The following CADM2 variants were observed in gnomAD, a reference collection of about 807,000 sequenced individuals.
The protein encoded by CADM2 is cell adhesion molecule 2.
Under a neutral mutation model 49.8 loss-of-function variants are expected in CADM2, and 12 were observed. The observed-to-expected ratio is 0.24, with a 90% CI of 0.15 to 0.39. The LOEUF is 0.39. CADM2 is among the 10% of genes least tolerant of loss of function. CADM2 has a pLI of 1.00. For missense variants in CADM2, 378 were observed against 492.3 expected (o/e 0.77, Z 2.20); for synonymous variants, 214 against 175.4 (o/e 1.22, Z -1.74).
intron 8 of CADM2, among the ~76,000 whole-genome samples, chr3:86,042,088 G>A (rs1435345093): frequency 6.6e-6 from 1 of 152,168 alleles, no homozygotes; most frequent in Non-Finnish European, 1.5e-5. Context: ...AGTGTGTAGA[G>A]GGAAATTTAT....
intron 1 of CADM2, among the ~76,000 whole-genome samples, chr3:85,012,094 A>G (rs1158528181): frequency 6.7e-6 from 1 of 148,472 alleles, no homozygotes; most frequent in Non-Finnish European, 1.5e-5. Flanking sequence ...TTTCTTTCAT[A>G]TTTTAAAGGG....
chr3:85,543,767 G>A (rs551430954), intron 1 of CADM2, among the ~76,000 whole-genome samples: 2 of 152,280 alleles, frequency 1.3e-5, no homozygotes, highest in East Asian at 1.9e-4. Context: ...AAGGGCAAGA[G>A]CAAACTCACT....
At chr3:85,638,843 A>C (rs1297337556) in intron 1 of CADM2, among the ~76,000 whole-genome samples, 1 of 152,118 alleles carries the variant, frequency 6.6e-6, no homozygotes, top group Admixed American at 6.6e-5. Flanking sequence ...ATATAAAAAG[A>C]GAGATATTAG....
chr3:85,496,598 G>C (rs2039910822), intron 1 of CADM2, among the ~76,000 whole-genome samples: 1 of 152,092 alleles, frequency 6.6e-6, no homozygotes, highest in African/African-American at 2.4e-5. Flanking sequence ...TCTCTTTTTA[G>C]TTTTTTGAGA....
intron 3 of CADM2, among the ~76,000 whole-genome samples, chr3:85,834,362 C>T (rs936791512): frequency 7.9e-5 from 12 of 151,412 alleles, no homozygotes; most frequent in African/African-American, 2.4e-4. Flanking sequence ...AATTGGTTAG[C>T]GTTTTTAACT....
At chr3:85,601,882 A>G (rs1368772132) in intron 1 of CADM2, among the ~76,000 whole-genome samples, 2 of 151,450 alleles carry the variant, frequency 1.3e-5, no homozygotes, top group African/African-American at 4.8e-5. Flanking sequence ...CACATCTTCT[A>G]TTTATGTATT....
At chr3:85,641,435 T>C (rs2064708190) in intron 1 of CADM2, among the ~76,000 whole-genome samples, 1 of 152,226 alleles carries the variant, frequency 6.6e-6, no homozygotes, top group Non-Finnish European at 1.5e-5. Flanking sequence ...GGAAAATTAT[T>C]AGAGCTGGAC....
intron 8 of CADM2, among the ~76,000 whole-genome samples, chr3:86,032,354 C>T (rs1578007569): frequency 6.6e-6 from 1 of 151,868 alleles, no homozygotes; most frequent in African/African-American, 2.4e-5. Context: ...CTAGAATAGA[C>T]ATCGAACATT....
chr3:84,985,250 A>G (rs2032485938), intron 1 of CADM2, among the ~76,000 whole-genome samples: 1 of 152,136 alleles, frequency 6.6e-6, no homozygotes, highest in Non-Finnish European at 1.5e-5. Context: ...GAACTATATT[A>G]TATTAATTCA....
chr3:85,359,657 T>TAG, intron 1 of CADM2, among the ~76,000 whole-genome samples: 1 of 20,516 alleles, frequency 4.9e-5, no homozygotes, highest in South Asian at 1.4e-3. Context: ...TATATATATA[T>TAG]ATATATATAT....
chr3:85,969,769 G>T (rs1200917611), intron 8 of CADM2, among the ~76,000 whole-genome samples: 2 of 150,788 alleles, frequency 1.3e-5, no homozygotes, highest in Non-Finnish European at 3.0e-5. Flanking sequence ...TTAGAACAGG[G>T]TCTTCTAAAT....
chr3:85,806,798 T>C (rs986407558), intron 3 of CADM2, among the ~76,000 whole-genome samples: 5 of 152,044 alleles, frequency 3.3e-5, no homozygotes, highest in Non-Finnish European at 5.9e-5. Flanking sequence ...GGGAATCTCT[T>C]CCCCGGGGAG....
intron 7 of CADM2, among the ~76,000 whole-genome samples, chr3:85,953,899 T>C (rs1369947382): frequency 6.6e-6 from 1 of 150,944 alleles, no homozygotes; most frequent in African/African-American, 2.4e-5. Context: ...ACATTTTCTG[T>C]TAATTAAACC....
At chr3:85,937,940 A>G (rs138333155) in intron 7 of CADM2, among the ~76,000 whole-genome samples, 3 of 152,158 alleles carry the variant, frequency 2.0e-5, no homozygotes, top group African/African-American at 4.8e-5. Flanking sequence ...TCTGTATGCT[A>G]TGGTCCACAA....
chr3:84,984,375 A>C (rs1383535815), intron 1 of CADM2, among the ~76,000 whole-genome samples: 1 of 126,218 alleles, frequency 7.9e-6, no homozygotes, highest in East Asian at 2.0e-4. Flanking sequence ...AAAAAAAAAA[A>C]AAAAAAAAAA....
At position 85,663,645 on chromosome 3, in the gene CADM2, C is replaced by T. The variant is rs147714051; in HGVS notation, c.62-62877C>T. 8.3e-4 allele frequency among the ~76,000 whole-genome samples: 127 copies of T among 152,166 alleles called. 1 individual carries two copies. The highest frequency in any genetic ancestry group is 3.0e-3 in the African/African-American group (123 of 41,534). ...CACCTTCTGTCACATGGGACTGCTG[C>T]AGAGCTCTAGCAATGGCTCCTTCTT... On this transcript the variant is annotated intron_variant, in intron 1 of 9. Coordinates refer to ENST00000383699, the MANE Select transcript of CADM2 (RefSeq NM_001167675.2).
chr3:85,204,300 A>C (rs957634654), intron 1 of CADM2, among the ~76,000 whole-genome samples: 2 of 152,082 alleles, frequency 1.3e-5, no homozygotes, highest in African/African-American at 4.8e-5. Flanking sequence ...TTTCAAACCA[A>C]TTTTTTGTAG....
At chr3:85,249,587 A>T (rs891736712) in intron 1 of CADM2, among the ~76,000 whole-genome samples, 8 of 152,020 alleles carry the variant, frequency 5.3e-5, no homozygotes, top group African/African-American at 1.9e-4. Flanking sequence ...AATATTATTT[A>T]ACATTACCAG....
At chr3:85,713,322 A>AT (rs897490486) in intron 1 of CADM2, among the ~76,000 whole-genome samples, 1 of 151,866 alleles carries the variant, frequency 6.6e-6, no homozygotes, top group African/African-American at 2.4e-5. Context: ...ACTTTTTTGT[A>AT]TTTTTTAGTA....
Sources: gnomAD v4.1 joint callset for allele counts (sites outside exome capture counted in the v4.1 genomes callset) on GRCh38, gnomAD v4.1.1 for gene constraint, MANE v1.5 for transcripts, NCBI Gene and HGNC (gene_info 2026-07-23, HGNC 2026-07-21) for gene names.